CPED1: variants seen among roughly 807,000 people sequenced by gnomAD.
CPED1 encodes the protein cadherin-like and PC-esterase domain-containing protein 1.
A neutral mutation model predicts 128.2 loss-of-function variants in CPED1; 114 were observed. The ratio of observed to expected loss-of-function variants is 0.89; its 90% CI spans 0.76 to 1.04. The LOEUF (loss-of-function observed/expected upper bound fraction) is 1.04, where lower values mean the gene tolerates loss of function less well. CPED1 is among the 50% of genes least tolerant of loss of function. CPED1 has a pLI of 0.00. For synonymous variants in CPED1, 462 were observed against 426.7 expected, an observed-to-expected ratio of 1.08 and a Z score of -1.02; for missense variants, 1,211 against 1,207.1, an observed-to-expected ratio of 1.00 and a Z score of -0.05.
chr7:121,056,251 T>C (rs1452676293), intron 4 of CPED1, among the ~76,000 whole-genome samples: 2 of 152,188 alleles, frequency 1.3e-5, no homozygotes, highest in East Asian at 3.8e-4. Context: ...TTTTCCTCTT[T>C]ACATTTAACT....
At chr7:121,229,377 A>G (rs1407543631) in intron 16 of CPED1, among the ~76,000 whole-genome samples, 1 of 152,032 alleles carries the variant, frequency 6.6e-6, no homozygotes. Flanking sequence ...CATCTTCAGC[A>G]TGAATCACAA....
intron 16 of CPED1, among the ~76,000 whole-genome samples, chr7:121,157,894 C>T (rs1490548973): frequency 2.0e-5 from 3 of 152,148 alleles, no homozygotes; most frequent in African/African-American, 7.2e-5. Flanking sequence ...AAAAGTTCCC[C>T]ATTTCTTCTT....
At chr7:121,261,981 G>A in intron 18 of CPED1, 1 of 388,280 alleles carries the variant, frequency 2.6e-6, no homozygotes, top group Non-Finnish European at 4.7e-6. Flanking sequence ...CCCAATGTTG[G>A]AAGTGGGACC....
chr7:121,165,221 GATATAAACTTCACTTAAGTATCCAGT>G (rs373207031), intron 16 of CPED1, among the ~76,000 whole-genome samples: 27 of 152,236 alleles, frequency 1.8e-4, no homozygotes, highest in African/African-American at 5.8e-4. Context: ...GGATATGTTG[GATATAAACTTCACTTAAGTATCCAGT>G]ATATAAACTT....
chr7:121,092,075 C>T (rs1469780156), intron 5 of CPED1, among the ~76,000 whole-genome samples: 1 of 152,128 alleles, frequency 6.6e-6, no homozygotes, highest in Non-Finnish European at 1.5e-5. Flanking sequence ...TATGCTTTCC[C>T]ATGCTCATTG....
intron 18 of CPED1, among the ~76,000 whole-genome samples, chr7:121,252,259 A>T (rs1002165004): frequency 6.6e-6 from 1 of 151,992 alleles, no homozygotes; most frequent in African/African-American, 2.4e-5. Context: ...CTGGCTAGCC[A>T]TATGTAGAAA....
At chr7:121,181,463 T>C (rs1271936581) in intron 16 of CPED1, among the ~76,000 whole-genome samples, 1 of 151,978 alleles carries the variant, frequency 6.6e-6, no homozygotes, top group Non-Finnish European at 1.5e-5. Flanking sequence ...ATTAAAGATA[T>C]TTGTTTGAAA....
intron 3 of CPED1, among the ~76,000 whole-genome samples, chr7:121,030,346 G>C (rs1302065451): frequency 6.6e-6 from 1 of 152,104 alleles, no homozygotes; most frequent in East Asian, 1.9e-4. Context: ...ACTTTCCGTG[G>C]TTCCAGTTAC....
intron 9 of CPED1, 102 bp downstream of exon 9, chr7:121,125,994 A>C: frequency 1.2e-6 from 1 of 857,158 alleles, no homozygotes. Flanking sequence ...CAATCAATAA[A>C]TAGCAATTTG....
intron 16 of CPED1, among the ~76,000 whole-genome samples, chr7:121,204,145 A>T (rs955480191): frequency 6.6e-6 from 1 of 152,110 alleles, no homozygotes; most frequent in African/African-American, 2.4e-5. Context: ...TGATGCCTCC[A>T]TTCTAAACTC....
chr7:121,246,613 C>T (rs959585536), intron 18 of CPED1, among the ~76,000 whole-genome samples: 4 of 152,182 alleles, frequency 2.6e-5, no homozygotes, highest in Non-Finnish European at 5.9e-5. Context: ...GTAATGACCT[C>T]CCAAAGACCT....
chr7:121,265,446 T>C (rs562441829), intron 18 of CPED1, among the ~76,000 whole-genome samples: 1 of 152,048 alleles, frequency 6.6e-6, no homozygotes, highest in Admixed American at 6.6e-5. Context: ...ATAAAAACAG[T>C]ATATGTGAGA....
intron 16 of CPED1, among the ~76,000 whole-genome samples, chr7:121,154,201 A>T (rs777909265): frequency 1.3e-5 from 2 of 152,226 alleles, no homozygotes; most frequent in Non-Finnish European, 2.9e-5. Flanking sequence ...GACACTAATC[A>T]TCTCCATATG....
At chr7:121,150,215 C>A (rs1195178306) in intron 16 of CPED1, among the ~76,000 whole-genome samples, 2 of 150,460 alleles carry the variant, frequency 1.3e-5, no homozygotes, top group Admixed American at 1.3e-4. Flanking sequence ...TCCCTTTCTC[C>A]CCCATCTAGT....
At chr7:121,147,872 A>G (rs1381743270) in intron 16 of CPED1, among the ~76,000 whole-genome samples, 1 of 152,162 alleles carries the variant, frequency 6.6e-6, no homozygotes, top group Non-Finnish European at 1.5e-5. Flanking sequence ...TTAAAAAATC[A>G]ATTAGCCATC....
chr7:121,141,947 A>G (rs1563042923), intron 15 of CPED1, 26 bp from the exon 16 acceptor site: 2 of 1,596,728 alleles, frequency 1.3e-6, no homozygotes, highest in East Asian at 4.5e-5. Flanking sequence ...TTCATATTCT[A>G]TTTCTCTCTC....
chr7:121,001,902 G>C (rs950772962), intron 2 of CPED1, among the ~76,000 whole-genome samples: 6 of 151,978 alleles, frequency 3.9e-5, no homozygotes, highest in African/African-American at 1.5e-4. Context: ...GATTATAAAA[G>C]ACAGAGGAAT....
At chr7:120,996,308 C>A (rs952512929) in intron 2 of CPED1, among the ~76,000 whole-genome samples, 1 of 151,650 alleles carries the variant, frequency 6.6e-6, no homozygotes, top group Non-Finnish European at 1.5e-5. Context: ...AGGGAATTAT[C>A]CTTAGAAATT....
At chr7:121,193,858 A>T (rs1159621663) in intron 16 of CPED1, among the ~76,000 whole-genome samples, 1 of 151,790 alleles carries the variant, frequency 6.6e-6, no homozygotes, top group Non-Finnish European at 1.5e-5. Context: ...TAAGATTAAG[A>T]CATGCCTAAT....
Sources: allele counts gnomAD v4.1 joint callset (sites outside exome capture counted in the v4.1 genomes callset), GRCh38; gene constraint gnomAD v4.1.1; transcripts MANE v1.5; gene names NCBI Gene and HGNC (gene_info 2026-07-23, HGNC 2026-07-21).